SOD2: variants seen among roughly 807,000 people sequenced by gnomAD.
SOD2 encodes the protein superoxide dismutase [Mn], mitochondrial.
Under a neutral mutation model 27.0 loss-of-function variants are expected in SOD2, and 11 were observed. The ratio of observed to expected loss-of-function variants is 0.41; its 90% CI spans 0.26 to 0.67. SOD2 has a LOEUF of 0.67. Ranked by LOEUF, SOD2 falls within the 30% of genes least tolerant of loss-of-function variation. The pLI is 0.34. For synonymous variants in SOD2, 105 were observed against 103.0 expected (o/e 1.02, Z -0.12); for missense variants, 250 against 274.5 (o/e 0.91, Z 0.63).
At chr6:159,721,972 T>C in intron 1 of SOD2, among the ~76,000 whole-genome samples, 1 of 152,074 alleles carries the variant, frequency 6.6e-6, no homozygotes, top group East Asian at 1.9e-4. Flanking sequence ...ATGGTTATTG[T>C]CTAATTCTAT....
chr6:159,733,411 G>A lies in SOD2; in HGVS notation c.-116+11719C>T, dbSNP rs143079799. ...GCAGTTGGATTGCTTGCGCCCAGGA[G>A]TTCGAGACCAGCCTGGGCAGCATGG... On this transcript the variant is annotated intron_variant, in intron 1 of 3. Transcript: ENST00000537657. Among the ~76,000 whole-genome samples, 10 of 152,238 alleles carry A rather than the reference G, an allele frequency of 6.6e-5. No individual in the cohort carries two copies. The East Asian group carries it at 1.5e-3, about 24-fold the overall frequency.
Position 159,678,437 on chromosome 6 carries a change from G to C in SOD2, c.*4056C>G, listed in dbSNP as rs1247582718. 6 of 152,226 alleles carry C rather than the reference G, an allele frequency of 3.9e-5. No individual in the cohort carries two copies. The highest frequency in any genetic ancestry group is 8.8e-5 in the Non-Finnish European group (6 of 68,100). The allele number at this position is 152,226 out of a possible 1,614,324, so 9.4% of individuals were successfully genotyped here. On this transcript the variant is annotated 3_prime_UTR_variant, in exon 5 of 5. Transcript: ENST00000538183. ...AGCTACTTGGGAGGCTGAGGCATGAGAATCGCTTGAACTCAGGAGGTGGAG... is the reference window on the plus strand; with the variant it reads ...AGCTACTTGGGAGGCTGAGGCATGACAATCGCTTGAACTCAGGAGGTGGAG...
exon 1 of SOD2, chr6:159,762,047 C>T: frequency 6.2e-7 from 1 of 1,608,688 alleles, no homozygotes; most frequent in Non-Finnish European, 8.5e-7. Flanking sequence ...CTTTGCCTAG[C>T]TTGCAGGCAG....
chr6:159,727,802 C>T (rs1014939303), upstream of SOD2: 2 of 861,632 alleles, frequency 2.3e-6, no homozygotes, highest in Non-Finnish European at 2.8e-6. Flanking sequence ...GGGCAGGGCC[C>T]GAAAGGCCAC....
chr6:159,705,915 T>C (rs1777617410), intron 1 of SOD2, among the ~76,000 whole-genome samples: 1 of 152,204 alleles, frequency 6.6e-6, no homozygotes, highest in South Asian at 2.1e-4. Flanking sequence ...TAACAGCTGA[T>C]CTCTCAGCAG....
chr6:159,694,657 G>T (rs1170606745), upstream of SOD2, among the ~76,000 whole-genome samples: 3 of 152,034 alleles, frequency 2.0e-5, no homozygotes, highest in African/African-American at 7.2e-5. Flanking sequence ...GTACTGTGTC[G>T]CGATGTCGGC....
chr6:159,749,064 G>C (rs1463806247), upstream of SOD2: 1 of 989,622 alleles, frequency 1.0e-6, no homozygotes, highest in African/African-American at 1.7e-5. Flanking sequence ...TATATTACTT[G>C]CTTGAGCCTT....
chr6:159,749,139 C>T, upstream of SOD2: 1 of 986,050 alleles, frequency 1.0e-6, no homozygotes, highest in South Asian at 4.7e-5. Flanking sequence ...GATAATCTTA[C>T]TGAGGACTGT....
In SOD2 at chr6:159,692,783, T is replaced by C. The variant is rs1200215865; in HGVS notation, c.104A>G (p.Tyr35Cys). Residue 35 changes from tyrosine to cysteine, a missense_variant, in exon 2 of 5, where the codon TAC becomes TGC. Physicochemically the swap from Tyr to Cys is radical, Grantham distance 194. Transcript: ENST00000538183. ...KHSLPDLPYDYGALEPHINAQ... is the reference protein window; with the variant it reads ...KHSLPDLPYDCGALEPHINAQ... ...GTTGATGTGAGGTTCCAGGGCGCCGTAGTCGTAGGGCAGGTCGGGGAGGCT... is the reference window on the plus strand; with the variant it reads ...GTTGATGTGAGGTTCCAGGGCGCCGCAGTCGTAGGGCAGGTCGGGGAGGCT... 2 of 1,614,120 alleles carry C rather than the reference T, an allele frequency of 1.2e-6. No homozygotes were observed. The highest frequency in any genetic ancestry group is 1.7e-6 in the Non-Finnish European group (2 of 1,180,018).
intron 1 of SOD2, among the ~76,000 whole-genome samples, chr6:159,701,557 G>A (rs1777523028): frequency 7.2e-6 from 1 of 138,930 alleles, no homozygotes; most frequent in African/African-American, 2.7e-5. Flanking sequence ...GTGACAGAGT[G>A]AGACCCTGTT....
intron 1 of SOD2, chr6:159,727,118 G>T: frequency 1.7e-6 from 2 of 1,193,676 alleles, no homozygotes; most frequent in South Asian, 3.0e-5. Context: ...CCCCTCGGCC[G>T]CTTCCCTTAC....
chr6:159,672,049 G>T lies in SOD2; in HGVS notation c.*10444C>A, dbSNP rs1562409224. The T allele has an allele frequency of 6.6e-6, 1 of 152,124 alleles. No individual in the cohort carries two copies. The highest frequency in any genetic ancestry group is 2.4e-5 in the African/African-American group (1 of 41,414). The allele number at this position is 152,124 out of a possible 1,614,324, so 9.4% of individuals were successfully genotyped here. On this transcript the variant is annotated 3_prime_UTR_variant, in exon 5 of 5. Transcript: ENST00000538183. ...AGAAGAGAAGTTAAGAGAAAAAAGA[G>T]TAAAAAGAAACGAACAAAGCTTCCA... is the stretch of plus-strand genomic sequence containing the variant.
intron 1 of SOD2, among the ~76,000 whole-genome samples, chr6:159,698,881 C>T (rs1224088951): frequency 7.2e-6 from 1 of 139,320 alleles, no homozygotes. Context: ...TCTTCATCCT[C>T]CTCATCTTTA....
At chr6:159,746,359 A>G (rs1779573107), upstream of SOD2, among the ~76,000 whole-genome samples, 1 of 152,228 alleles carries the variant, frequency 6.6e-6, no homozygotes, top group Non-Finnish European at 1.5e-5. Flanking sequence ...TGAGTGAAAA[A>G]TAGTGGAAAG....
At chr6:159,745,114 G>T (rs1283823420) in intron 1 of SOD2, 1 of 152,080 alleles carries the variant, frequency 6.6e-6, no homozygotes, top group South Asian at 2.1e-4. Context: ...CCCTTTACAC[G>T]AGAAATGGAT....
At chr6:159,710,526 T>G (rs1348300011) in intron 1 of SOD2, among the ~76,000 whole-genome samples, 1 of 152,234 alleles carries the variant, frequency 6.6e-6, no homozygotes, top group African/African-American at 2.4e-5. Flanking sequence ...ATTTACCCAT[T>G]ATACGGGATA....
exon 1 of SOD2, chr6:159,761,831 AC>A: frequency 4.6e-6 from 1 of 215,518 alleles, no homozygotes; most frequent in Non-Finnish European, 9.1e-6. Context: ...CCCCGGCCTC[AC>A]TTCCGCCCCG....
At chr6:159,723,792 T>C (rs1474417631) in intron 1 of SOD2, among the ~76,000 whole-genome samples, 1 of 152,136 alleles carries the variant, frequency 6.6e-6, no homozygotes, top group Non-Finnish European at 1.5e-5. Context: ...TTTGATAGGG[T>C]CTGTTGCCCA....
chr6:159,721,124 A>ATGGCACAATCTCAGCTCGCTGCAAGCTC (rs1392939797), intron 1 of SOD2, among the ~76,000 whole-genome samples: 2 of 151,126 alleles, frequency 1.3e-5, no homozygotes, highest in Middle Eastern at 3.2e-3. Flanking sequence ...CTGGAGTGCA[A>ATGGCACAATCTCAGCTCGCTGCAAGCTC]TGGCACAATC....
Sources: gnomAD v4.1 joint callset for allele counts (sites outside exome capture counted in the v4.1 genomes callset) on GRCh38, gnomAD v4.1.1 for gene constraint, MANE v1.5 for transcripts, NCBI Gene and HGNC (gene_info 2026-07-23, HGNC 2026-07-21) for gene names.